PLCE1: variants seen among roughly 807,000 people sequenced by gnomAD.
The protein encoded by PLCE1 is 1-phosphatidylinositol 4,5-bisphosphate phosphodiesterase epsilon-1.
A neutral mutation model predicts 242.8 loss-of-function variants in PLCE1; 119 were observed. That is an observed-to-expected ratio of 0.49 (90% confidence interval 0.42 to 0.57). PLCE1 has a LOEUF of 0.57. Among genes scored for constraint, PLCE1 ranks in the 20% least tolerant of loss-of-function variants. The pLI is 0.00. For missense variants in PLCE1, 2,441 were observed against 2,788.8 expected (o/e 0.88, Z 2.81); for synonymous variants, 945 against 1,017.4 (o/e 0.93, Z 1.35).
intron 1 of PLCE1, among the ~76,000 whole-genome samples, chr10:94,023,904 T>A (rs1413763257): frequency 1.3e-5 from 2 of 152,130 alleles, no homozygotes; most frequent in Non-Finnish European, 2.9e-5. Context: ...TTTGTGGTCT[T>A]GGAAAAGAAC....
At chr10:94,127,016 T>A (rs1252839506) in intron 2 of PLCE1, among the ~76,000 whole-genome samples, 1 of 152,198 alleles carries the variant, frequency 6.6e-6, no homozygotes. Flanking sequence ...AGCCTCTTAC[T>A]AGGTGTGTAA....
intron 1 of PLCE1, among the ~76,000 whole-genome samples, chr10:94,015,340 GA>G (rs531977127): frequency 6.6e-6 from 1 of 150,768 alleles, no homozygotes; most frequent in African/African-American, 2.4e-5. Context: ...AGTCAGGATA[GA>G]AAAAAAAATG....
intron 2 of PLCE1, among the ~76,000 whole-genome samples, chr10:94,098,059 G>A (rs939786770): frequency 3.9e-5 from 6 of 152,200 alleles, no homozygotes; most frequent in African/African-American, 1.4e-4. Context: ...GTCCAGGTGA[G>A]CTGTCCTCAC....
chr10:94,305,849 A>G (rs1352051497), intron 25 of PLCE1, among the ~76,000 whole-genome samples: 1 of 152,168 alleles, frequency 6.6e-6, no homozygotes, highest in East Asian at 1.9e-4. Flanking sequence ...ATTTAACTTC[A>G]TCTTGTTTGG....
chr10:94,009,455 G>A (rs1198532786), intron 1 of PLCE1, among the ~76,000 whole-genome samples: 1 of 152,090 alleles, frequency 6.6e-6, no homozygotes, highest in Admixed American at 6.6e-5. Context: ...ATGTCATTCT[G>A]CCCTTGGCCC....
intron 2 of PLCE1, among the ~76,000 whole-genome samples, chr10:94,037,978 G>A (rs2061696092): frequency 1.3e-5 from 2 of 152,110 alleles, no homozygotes; most frequent in African/African-American, 4.8e-5. Context: ...ATTAGCAGCT[G>A]GAGAGGCCCC....
At chr10:94,111,350 C>T (rs1418335317) in intron 2 of PLCE1, among the ~76,000 whole-genome samples, 1 of 152,132 alleles carries the variant, frequency 6.6e-6, no homozygotes, top group African/African-American at 2.4e-5. Flanking sequence ...GACTGAGACA[C>T]CAGCAGTTTT....
intron 2 of PLCE1, among the ~76,000 whole-genome samples, chr10:94,064,839 C>A (rs1247347558): frequency 1.3e-5 from 2 of 152,130 alleles, no homozygotes; most frequent in Non-Finnish European, 2.9e-5. Flanking sequence ...TAGCCCAAGC[C>A]CTTTTTCAGC....
At chr10:94,147,773 A>G (rs2047160063) in intron 3 of PLCE1, among the ~76,000 whole-genome samples, 1 of 152,216 alleles carries the variant, frequency 6.6e-6, no homozygotes, top group Non-Finnish European at 1.5e-5. Flanking sequence ...CTGAACTATC[A>G]TGGAGCTCTT....
At chr10:94,183,283 T>C (rs2048367733) in intron 4 of PLCE1, among the ~76,000 whole-genome samples, 1 of 152,212 alleles carries the variant, frequency 6.6e-6, no homozygotes. Context: ...TGCCTCACCT[T>C]GGCTTTTTTT....
At chr10:94,181,469 G>C (rs1026537215) in intron 4 of PLCE1, among the ~76,000 whole-genome samples, 2 of 151,966 alleles carry the variant, frequency 1.3e-5, no homozygotes, top group Non-Finnish European at 2.9e-5. Flanking sequence ...CCAGCTACTC[G>C]GGAGGCTGAG....
At position 94,171,234 on chromosome 10, in the gene PLCE1, C is replaced by A; in HGVS notation, c.1547C>A (p.Ala516Asp). ...TCCAATGCCCTCCCTTCAAGTTCAG[C>A]TGGGATCAGCAAGGAGCTGATCGAT... Reference protein sequence around the residue: ...ANSNALPSSSAGISKELIDLQ... With the variant: ...ANSNALPSSSDGISKELIDLQ... The change falls in exon 4 of 33, where the codon GCT becomes GAT. Residue 516 changes from alanine (A) to aspartate (D), a missense_variant. Physicochemically the swap from Ala to Asp is moderately radical, Grantham distance 126. Around this residue, in one of 5 missense-constraint regions of PLCE1, gnomAD observed 733 missense variants for 754.2 expected, o/e 0.97. Transcript: ENST00000371380. 6.2e-7 allele frequency: 1 copy of A among 1,614,188 alleles called. No individual in the cohort carries two copies. The highest frequency in any genetic ancestry group is 8.5e-7 in the Non-Finnish European group (1 of 1,180,020).
At chr10:94,238,255 TACA>T (rs759939793) in intron 7 of PLCE1, among the ~76,000 whole-genome samples, 2 of 152,194 alleles carry the variant, frequency 1.3e-5, no homozygotes, top group Admixed American at 6.5e-5. Flanking sequence ...ACCTTGTCTC[TACA>T]ACAACAACAA....
chr10:94,024,353 A>G (rs1031765434), intron 1 of PLCE1, among the ~76,000 whole-genome samples: 2 of 152,286 alleles, frequency 1.3e-5, no homozygotes, highest in East Asian at 3.9e-4. Flanking sequence ...CTTTTCCGTG[A>G]TGGTGAAATT....
At position 94,303,512 on chromosome 10, in the gene PLCE1, AT is replaced by A. The variant is rs914660130; in HGVS notation, c.5459-962del. Among the ~76,000 whole-genome samples the A allele has an allele frequency of 3.3e-5, 5 of 151,868 alleles. 1 individual carries two copies. The East Asian group carries it at 7.7e-4, about 23-fold the overall frequency. On this transcript the variant is annotated intron_variant, in intron 24 of 32. Transcript: ENST00000371380. ...GACATGATGTGAATCAGATGTGATT[AT>A]TTTTTTTCTTGTTTACGATTTTTTA... is the stretch of plus-strand genomic sequence containing the variant.
chr10:94,207,518 T>C (rs1422664853), intron 4 of PLCE1, among the ~76,000 whole-genome samples: 1 of 7,014 alleles, frequency 1.4e-4, no homozygotes, highest in Non-Finnish European at 2.0e-3. Context: ...GTTATACGTG[T>C]GTGTGTGTGT....
chr10:94,188,913 C>G (rs2048568630), intron 4 of PLCE1, among the ~76,000 whole-genome samples: 1 of 149,726 alleles, frequency 6.7e-6, no homozygotes, highest in Non-Finnish European at 1.5e-5. Context: ...CCCTGTATAG[C>G]ATTTTGATAG....
In PLCE1 at chr10:94,321,996, A is replaced by G; in HGVS notation, c.6438A>G (p.Pro2146=). ...SFFVQVHDVS[P]EQPRTVIKAP... ...TTGTCCAAGTGCATGATGTTTCTCC[A>G]GAGCAACCTCGAACAGTCATCAAAG... The change falls in exon 30 of 33, where the codon CCA becomes CCG. Residue 2146 remains proline (P), a synonymous_variant. Coordinates refer to ENST00000371380, the MANE Select transcript of PLCE1 (RefSeq NM_016341.4). 6.2e-7 allele frequency: 1 copy of G among 1,614,108 alleles called. No homozygotes were observed. The highest frequency in any genetic ancestry group is 8.5e-7 in the Non-Finnish European group (1 of 1,179,946).
Position 94,306,657 on chromosome 10 carries a change from G to T in PLCE1, c.5853G>T (p.Gln1951His). 6.2e-7 allele frequency: 1 copy of T among 1,614,068 alleles called. No individual in the cohort carries two copies. The highest frequency in any genetic ancestry group is 8.5e-7 in the Non-Finnish European group (1 of 1,179,946). ...VENNSSAVTA[Q>H]RIIPLKALKR... ...ACAATAGTTCAGCGGTAACTGCTCA[G>T]AGAATCATTCCACTGAAAGCTTTAA... Residue 1951 changes from glutamine to histidine, a missense_variant, in exon 26 of 33, where the codon CAG (glutamine) becomes CAT (histidine). Gln to His is a conservative substitution (Grantham distance 24). This residue lies in a region of PLCE1 where 1,004 missense variants were observed against 1,322.7 expected (regional missense o/e 0.76). Transcript: ENST00000371380. The surrounding 1 kb of genome is among the most constrained non-coding windows in gnomAD (Gnocchi z 5.7).
Sources: allele counts gnomAD v4.1 joint callset (sites outside exome capture counted in the v4.1 genomes callset), GRCh38; gene constraint gnomAD v4.1.1; regional missense constraint gnomAD v4.1.1; non-coding constraint Gnocchi (gnomAD v3.1); transcripts MANE v1.5; gene names NCBI Gene and HGNC (gene_info 2026-07-23, HGNC 2026-07-21).